Variants in GAK observed in about 807,000 individuals in gnomAD.
The protein encoded by GAK is cyclin G associated kinase, also known as cyclin-G-associated kinase.
A neutral mutation model predicts 143.9 loss-of-function variants in GAK; 79 were observed. The observed-to-expected ratio is 0.55, with a 90% CI of 0.46 to 0.66. GAK has a LOEUF of 0.66. Ranked by LOEUF, GAK falls within the 30% of genes least tolerant of loss-of-function variation. GAK has a pLI of 0.00. For missense variants in GAK, 1,693 were observed against 1,779.7 expected (o/e 0.95, Z 0.88); for synonymous variants, 881 against 765.5 (o/e 1.15, Z -2.49).
intron 23 of GAK, 62 bp downstream of exon 23, chr4:865,058 AAT>A (rs1750918009): frequency 3.2e-6 from 5 of 1,574,862 alleles, no homozygotes; most frequent in Non-Finnish European, 4.3e-6. Context: ...GTACGTGTGA[AAT>A]AGAGACGGGC....
intron 24 of GAK, among the ~76,000 whole-genome samples, chr4:856,552 C>G (rs1297993692): frequency 8.3e-6 from 1 of 120,142 alleles, no homozygotes. Context: ...CACACCTGCT[C>G]ACCACCACAG....
chr4:884,862 G>T (rs1000912453), intron 11 of GAK, among the ~76,000 whole-genome samples: 1 of 152,230 alleles, frequency 6.6e-6, no homozygotes, highest in Non-Finnish European at 1.5e-5. Context: ...ACATCGCAGA[G>T]GTGCTGTCCC....
chr4:925,980 T>C (rs1724654411), intron 1 of GAK, among the ~76,000 whole-genome samples: 1 of 152,084 alleles, frequency 6.6e-6, no homozygotes, highest in Non-Finnish European at 1.5e-5. Context: ...CCAGCCCAAC[T>C]GTCACCTCCC....
At position 876,623 on chromosome 4, in the gene GAK, A is replaced by G; in HGVS notation, c.1975-14T>C. ...CATGGATGCCATCTGCAAAGAGAGC[A>G]AACACGACACCCCACGTGGAGGGTG... On this transcript the variant is annotated splice_polypyrimidine_tract_variant and intron_variant, in intron 17 of 27. Transcript: ENST00000314167. 2 of 1,611,808 alleles carry G rather than the reference A, an allele frequency of 1.2e-6. No individual in the cohort carries two copies. Among genetic ancestry groups the G allele is most frequent in the Non-Finnish European group, 1.7e-6 (2 of 1,177,952 alleles).
intron 22 of GAK, 140 bp from the exon 23 acceptor site, chr4:865,384 C>T: frequency 9.6e-7 from 1 of 1,042,198 alleles, no homozygotes; most frequent in Non-Finnish European, 1.4e-6. Context: ...CTGACGGCCT[C>T]TCTCTTCCTG....
intron 22 of GAK, 115 bp downstream of exon 22, chr4:866,249 G>T: frequency 1.8e-6 from 2 of 1,081,968 alleles, no homozygotes; most frequent in African/African-American, 1.6e-5. Flanking sequence ...GCACCCGGAG[G>T]CCACACAGTC....
At position 875,533 on chromosome 4, in the gene GAK, G is replaced by T. The variant is rs956810802; in HGVS notation, c.2054+997C>A. ...GCCCAAGGCTTCCCTTTGTTTACTG[G>T]GTAGGAACCAAGAGCACAGAGCCTG... On this transcript the variant is annotated intron_variant, in intron 18 of 27. Coordinates refer to ENST00000314167, the MANE Select transcript of GAK (RefSeq NM_005255.4). 1.4e-4 allele frequency among the ~76,000 whole-genome samples: 21 copies of T among 152,320 alleles called. No homozygotes were observed. The East Asian group carries it at 1.9e-3, about 14-fold the overall frequency.
chr4:897,414 C>T (rs1719009883), intron 6 of GAK, among the ~76,000 whole-genome samples: 2 of 152,208 alleles, frequency 1.3e-5, no homozygotes, highest in South Asian at 4.1e-4. Context: ...CAATGCAAGA[C>T]ACAAGAGCAA....
rs954439083 is a variant in GAK at position 859,557 on chromosome 4, C to G, written c.3283+49G>C. 9 of 1,587,374 alleles carry G rather than the reference C, an allele frequency of 5.7e-6. No homozygotes were observed. In the African/African-American group the frequency reaches 8.1e-5, roughly 14 times the overall value. Reference sequence around the variant, plus strand: ...CAGAGTCAGATAGACGAGAATAAACCTCCTACAAGGAAACAGCTTCCACAC... The same window carrying G: ...CAGAGTCAGATAGACGAGAATAAACGTCCTACAAGGAAACAGCTTCCACAC... On this transcript the variant is annotated intron_variant, in intron 24 of 27. Transcript: ENST00000314167.
At chr4:895,848 T>A (rs1718666507) in intron 7 of GAK, among the ~76,000 whole-genome samples, 1 of 152,138 alleles carries the variant, frequency 6.6e-6, no homozygotes, top group African/African-American at 2.4e-5. Context: ...GGGACACTCC[T>A]GGGCCAAGGC....
chr4:895,795 CACTCTGGCCTG>C (rs547450764), intron 7 of GAK, among the ~76,000 whole-genome samples: 187 of 152,342 alleles, frequency 1.2e-3, no homozygotes, highest in African/African-American at 4.4e-3. Flanking sequence ...GCTCAGCCCT[CACTCTGGCCTG>C]GCTCTGAGCG....
chr4:920,298 A>C (rs534357699), intron 1 of GAK, among the ~76,000 whole-genome samples: 1 of 150,654 alleles, frequency 6.6e-6, no homozygotes, highest in East Asian at 2.0e-4. Flanking sequence ...ACAGAGCAAA[A>C]GTCCATCTCA....
At chr4:856,914 G>A (rs191655771) in intron 24 of GAK, among the ~76,000 whole-genome samples, 7 of 152,320 alleles carry the variant, frequency 4.6e-5, no homozygotes, top group East Asian at 3.9e-4. Flanking sequence ...CCAAGCTGAC[G>A]ACGTTCTGCT....
chr4:868,590 G>A lies in GAK; in HGVS notation c.2344C>T (p.Pro782Ser), dbSNP rs1044025916. The A allele has an allele frequency of 4.4e-6, 7 of 1,604,112 alleles. No homozygotes were observed. Among genetic ancestry groups the A allele is most frequent in the East Asian group, 4.5e-5 (2 of 44,174 alleles). The change falls in exon 20 of 28, where the codon CCA becomes TCA. Residue 782 changes from proline to serine, a missense_variant. Pro to Ser is a moderately conservative substitution (Grantham distance 74). This residue lies in a region of GAK where 822 missense variants were observed against 788.7 expected (regional missense o/e 1.04). Transcript: ENST00000314167. Reference sequence around the variant, plus strand: ...CGACTGGCGTCCGCGCTGCTGCTTGGCGGTGAGTCAGAGTCTGTGGGTTCG... The same window carrying A: ...CGACTGGCGTCCGCGCTGCTGCTTGACGGTGAGTCAGAGTCTGTGGGTTCG... ...EAEPTDSDSPPSSSADASRFL... is the reference protein window; with the variant it reads ...EAEPTDSDSPSSSSADASRFL...
At chr4:849,830 C>CCGGGGGGGGGG in intron 27 of GAK, 56 bp from the exon 28 acceptor site, 94 of 1,172,058 alleles carry the variant, frequency 8.0e-5, no homozygotes, top group Non-Finnish European at 1.1e-4. Context: ...GCGGGCGGGG[C>CCGGGGGGGGGG]AGGACCCCCC....
At chr4:914,437 C>T (rs1722666745) in intron 1 of GAK, among the ~76,000 whole-genome samples, 1 of 98,250 alleles carries the variant, frequency 1.0e-5, no homozygotes, top group Non-Finnish European at 2.0e-5. Context: ...CCCCAGCGTG[C>T]ACGGCCCCCA....
At chr4:868,324 C>A (rs922495926) in intron 20 of GAK, among the ~76,000 whole-genome samples, 1 of 152,190 alleles carries the variant, frequency 6.6e-6, no homozygotes, top group Non-Finnish European at 1.5e-5. Context: ...ACTTTGTGGG[C>A]ATGTTCTTTT....
rs1717387648 is a variant in GAK at position 890,313 on chromosome 4, T to C, written c.1081+219A>G. On this transcript the variant is annotated intron_variant, in intron 10 of 27. Coordinates refer to ENST00000314167, the MANE Select transcript of GAK (RefSeq NM_005255.4). ...GGCTTTAGTCCGAATCCTGACCCCC[T>C]CCTGAACTGCACCAAGACACCAGCT... Among the ~76,000 whole-genome samples the C allele has an allele frequency of 2.0e-5, 3 of 152,088 alleles. No individual in the cohort carries two copies. In the South Asian group the frequency reaches 6.2e-4, roughly 32 times the overall value.
At chr4:882,176 G>A (rs1036252141) in intron 14 of GAK, 136 bp from the exon 15 acceptor site, 17 of 988,874 alleles carry the variant, frequency 1.7e-5, no homozygotes, top group Non-Finnish European at 2.3e-5. Context: ...GATATGTTTA[G>A]GGAGCTACAT....
Sources: gnomAD v4.1 joint callset for allele counts (sites outside exome capture counted in the v4.1 genomes callset) on GRCh38, gnomAD v4.1.1 for gene constraint, gnomAD v4.1.1 regional missense constraint, MANE v1.5 for transcripts, NCBI Gene and HGNC (gene_info 2026-07-23, HGNC 2026-07-21) for gene names.